The following NRXN3 variants were observed in gnomAD, a reference collection of about 807,000 sequenced individuals.
NRXN3 encodes the protein neurexin III.
A neutral mutation model predicts 137.6 loss-of-function variants in NRXN3; 32 were observed. The observed-to-expected ratio is 0.23, with a 90% CI of 0.18 to 0.31. The LOEUF (loss-of-function observed/expected upper bound fraction) is 0.31, where lower values mean the gene tolerates loss of function less well. NRXN3 is among the 10% of genes least tolerant of loss of function. The pLI is 1.00. For missense variants in NRXN3, 1,574 were observed against 2,062.5 expected (o/e 0.76, Z 4.59); for synonymous variants, 798 against 784.5 (o/e 1.02, Z -0.29).
chr14:78,457,554 C>T (rs914040607), intron 4 of NRXN3, among the ~76,000 whole-genome samples: 1 of 152,130 alleles, frequency 6.6e-6, no homozygotes, highest in African/African-American at 2.4e-5. Context: ...GTCAAAATGG[C>T]CTGGCAACAC....
chr14:78,859,746 G>A (rs2099067516), intron 10 of NRXN3, among the ~76,000 whole-genome samples: 1 of 152,042 alleles, frequency 6.6e-6, no homozygotes, highest in Non-Finnish European at 1.5e-5. Flanking sequence ...TTCAGTAAGT[G>A]CCTGTTTACT....
intron 4 of NRXN3, among the ~76,000 whole-genome samples, chr14:78,485,356 G>T (rs1347229411): frequency 6.6e-6 from 1 of 152,140 alleles, no homozygotes; most frequent in Non-Finnish European, 1.5e-5. Flanking sequence ...TGTGCTGCTG[G>T]TAAGTTATCT....
At chr14:79,784,576 T>C (rs1379131891) in intron 19 of NRXN3, among the ~76,000 whole-genome samples, 1 of 151,522 alleles carries the variant, frequency 6.6e-6, no homozygotes, top group Non-Finnish European at 1.5e-5. Context: ...AGAAAATCTC[T>C]TCTTTTGTTG....
At chr14:79,697,475 C>T (rs1181698265) in intron 18 of NRXN3, among the ~76,000 whole-genome samples, 155 bp from the exon 19 acceptor site, 3 of 151,954 alleles carry the variant, frequency 2.0e-5, no homozygotes, top group Non-Finnish European at 4.4e-5. Context: ...TGAAATGTTA[C>T]TTGCTAACGT....
intron 15 of NRXN3, among the ~76,000 whole-genome samples, chr14:79,197,629 T>C (rs942320723): frequency 1.8e-4 from 28 of 152,132 alleles, no homozygotes; most frequent in African/African-American, 6.5e-4. Flanking sequence ...TCCGTTGTCT[T>C]TGTTGTCGCT....
At chr14:79,730,081 T>C (rs1384968590) in intron 19 of NRXN3, among the ~76,000 whole-genome samples, 1 of 152,142 alleles carries the variant, frequency 6.6e-6, no homozygotes. Context: ...GGGAGAATTA[T>C]ACATGTTTTT....
intron 16 of NRXN3, among the ~76,000 whole-genome samples, chr14:79,607,716 A>C (rs1286984654): frequency 2.7e-5 from 4 of 147,484 alleles, no homozygotes; most frequent in African/African-American, 1.0e-4. Flanking sequence ...TGTGTTGCCC[A>C]GGCTGGAGTG....
intron 4 of NRXN3, among the ~76,000 whole-genome samples, chr14:78,331,254 A>G (rs370961880): frequency 5.9e-5 from 9 of 152,296 alleles, no homozygotes; most frequent in African/African-American, 1.9e-4. Context: ...GCTGGATTTG[A>G]GTTTTAAAGA....
intron 19 of NRXN3, among the ~76,000 whole-genome samples, chr14:79,766,827 G>A (rs1014994992): frequency 2.0e-5 from 3 of 152,236 alleles, no homozygotes; most frequent in Non-Finnish European, 4.4e-5. Context: ...ATGGTTGGCA[G>A]AGATTGCCAC....
At chr14:79,302,990 C>T (rs1413836390) in intron 15 of NRXN3, among the ~76,000 whole-genome samples, 2 of 151,950 alleles carry the variant, frequency 1.3e-5, no homozygotes, top group Non-Finnish European at 2.9e-5. Context: ...GATCACATTT[C>T]ACCATGAAAT....
At chr14:79,698,545 G>T (rs2154029964) in intron 19 of NRXN3, among the ~76,000 whole-genome samples, 1 of 152,118 alleles carries the variant, frequency 6.6e-6, no homozygotes, top group South Asian at 2.1e-4. Flanking sequence ...AAATTTGAAG[G>T]TTTGAGTTTG....
intron 2 of NRXN3, among the ~76,000 whole-genome samples, chr14:78,275,394 A>G (rs2073428858): frequency 6.6e-6 from 1 of 152,190 alleles, no homozygotes; most frequent in East Asian, 1.9e-4. Flanking sequence ...TAGTATCTCC[A>G]TTTATACATG....
chr14:78,235,846 T>A (rs185858610), intron 1 of NRXN3, among the ~76,000 whole-genome samples: 6 of 152,164 alleles, frequency 3.9e-5, no homozygotes, highest in Admixed American at 2.0e-4. Flanking sequence ...AGAAGGGTGG[T>A]ATTCCTAGAC....
At chr14:79,619,163 C>T (rs1298504873) in intron 16 of NRXN3, among the ~76,000 whole-genome samples, 1 of 152,088 alleles carries the variant, frequency 6.6e-6, no homozygotes, top group Non-Finnish European at 1.5e-5. Context: ...TATCTGCTTA[C>T]TCTATTGATA....
At chr14:78,791,073 T>A (rs967843984) in intron 8 of NRXN3, among the ~76,000 whole-genome samples, 1 of 152,226 alleles carries the variant, frequency 6.6e-6, no homozygotes, top group African/African-American at 2.4e-5. Context: ...GCCAAGAAGA[T>A]CCTGGTTATC....
intron 15 of NRXN3, among the ~76,000 whole-genome samples, chr14:78,996,624 T>A (rs1362711837): frequency 3.3e-5 from 5 of 152,162 alleles, no homozygotes; most frequent in African/African-American, 1.2e-4. Context: ...AAAGTAGGAC[T>A]GATTTGCTCG....
intron 9 of NRXN3, among the ~76,000 whole-genome samples, chr14:78,806,892 A>G (rs1034981782): frequency 5.9e-5 from 9 of 152,200 alleles, no homozygotes; most frequent in African/African-American, 2.2e-4. Context: ...TCTCATGATA[A>G]TTTTGTGAGA....
At chr14:78,618,509 G>A (rs1189612406) in intron 4 of NRXN3, among the ~76,000 whole-genome samples, 1 of 152,170 alleles carries the variant, frequency 6.6e-6, no homozygotes, top group Non-Finnish European at 1.5e-5. Context: ...CACCAGCTTT[G>A]AAATTACATG....
At chr14:79,058,816 A>G (rs2099669672) in intron 15 of NRXN3, among the ~76,000 whole-genome samples, 1 of 152,006 alleles carries the variant, frequency 6.6e-6, no homozygotes, top group Non-Finnish European at 1.5e-5. Context: ...AGGAGATCTG[A>G]TGGTTTTATG....
Sources: allele counts gnomAD v4.1 joint callset (sites outside exome capture counted in the v4.1 genomes callset), GRCh38; gene constraint gnomAD v4.1.1; transcripts MANE v1.5; gene names NCBI Gene and HGNC (gene_info 2026-07-23, HGNC 2026-07-21).